Variants in TCTN2 observed in about 807,000 individuals in gnomAD.
TCTN2 encodes tectonic family member 2, also known as tectonic-2.
TCTN2 carries 66 observed loss-of-function variants against 83.4 expected under a neutral mutation model. The ratio of observed to expected loss-of-function variants is 0.79; its 90% CI spans 0.65 to 0.97. The LOEUF (loss-of-function observed/expected upper bound fraction) is 0.97. TCTN2 is among the 50% of genes least tolerant of loss of function. The pLI is 0.00. For missense variants in TCTN2, 794 were observed against 858.1 expected (o/e 0.93, Z 0.93); for synonymous variants, 301 against 326.7 (o/e 0.92, Z 0.85).
At chr12:123,674,934 G>A (rs1028239439) in intron 4 of TCTN2, among the ~76,000 whole-genome samples, 2 of 152,074 alleles carry the variant, frequency 1.3e-5, no homozygotes, top group African/African-American at 4.8e-5. Context: ...CTAGAGTGCA[G>A]GGGCACGATC....
At chr12:123,680,262 G>A (rs1429915839) in intron 5 of TCTN2, among the ~76,000 whole-genome samples, 3 of 149,322 alleles carry the variant, frequency 2.0e-5, no homozygotes, top group African/African-American at 7.4e-5. Context: ...TGAGGCAGGA[G>A]AATCGCTTGA....
At chr12:123,692,553 G>T in intron 8 of TCTN2, 105 bp from the exon 9 acceptor site, 1 of 889,070 alleles carries the variant, frequency 1.1e-6, no homozygotes. Context: ...AGCACCCTGG[G>T]CAGTTGCGGT....
chr12:123,697,255 T>G, intron 13 of TCTN2, 57 bp downstream of exon 13: 2 of 1,232,820 alleles, frequency 1.6e-6, no homozygotes, highest in Non-Finnish European at 2.4e-6. Flanking sequence ...TAGAATTAAT[T>G]CACTACATGA....
intron 11 of TCTN2, 80 bp from the exon 12 acceptor site, chr12:123,696,335 T>C (rs1956107991): frequency 1.7e-6 from 2 of 1,177,392 alleles, no homozygotes; most frequent in Non-Finnish European, 2.6e-6. Context: ...TCCTTGTGCA[T>C]GACTCTTGTA....
chr12:123,671,374 C>T (rs1955748046), intron 1 of TCTN2, 52 bp downstream of exon 1: 6 of 1,602,052 alleles, frequency 3.7e-6, no homozygotes. Flanking sequence ...GGGGACTGGG[C>T]GTTAAAAGGG....
chr12:123,684,628 GAC>G (rs1169837299), intron 5 of TCTN2, among the ~76,000 whole-genome samples: 4 of 152,060 alleles, frequency 2.6e-5, no homozygotes, highest in Non-Finnish European at 5.9e-5. Flanking sequence ...TCGAACTCCT[GAC>G]TGCAAGTGAT....
chr12:123,679,310 G>T (rs1229145850), intron 5 of TCTN2, 21 bp downstream of exon 5: 1 of 1,604,294 alleles, frequency 6.2e-7, no homozygotes, highest in African/African-American at 1.3e-5. Context: ...TGGTTATTGG[G>T]CACAAAAGTT....
intron 4 of TCTN2, 123 bp downstream of exon 4, chr12:123,673,933 G>A: frequency 1.1e-6 from 1 of 891,850 alleles, no homozygotes; most frequent in Non-Finnish European, 1.8e-6. Flanking sequence ...GGAGGTTAAT[G>A]CTACAAATGA....
At chr12:123,701,377 T>C (rs1338116445) in intron 14 of TCTN2, among the ~76,000 whole-genome samples, 2 of 152,184 alleles carry the variant, frequency 1.3e-5, no homozygotes, top group Non-Finnish European at 2.9e-5. Flanking sequence ...TTGCACACTT[T>C]AAGTAGGTGG....
At chr12:123,672,159 T>C (rs774935390) in intron 3 of TCTN2, 27 bp downstream of exon 3, 2 of 1,605,500 alleles carry the variant, frequency 1.2e-6, no homozygotes, top group Non-Finnish European at 1.7e-6. Context: ...ACCTTCTCTG[T>C]AGCCTGTGAA....
At chr12:123,699,327 G>A (rs888315250) in intron 13 of TCTN2, among the ~76,000 whole-genome samples, 9 of 151,638 alleles carry the variant, frequency 5.9e-5, no homozygotes, top group African/African-American at 1.9e-4. Context: ...GCTAATTTTT[G>A]TATTTTTTGT....
Position 123,678,773 on chromosome 12 carries a change from A to G in TCTN2, c.464-416A>G, listed in dbSNP as rs564840960. ...CCTTAATGTCAAATATTTGGTAATA[A>G]TGATTTACAAAACAAGATAATTCAG... is the stretch of plus-strand genomic sequence containing the variant. On this transcript the variant is annotated intron_variant, in intron 4 of 17. Transcript: ENST00000303372. 2.0e-3 allele frequency among the ~76,000 whole-genome samples: 300 copies of G among 151,048 alleles called. 3 individuals carry two copies. Among genetic ancestry groups the G allele is most frequent in the Non-Finnish European group, 4.4e-4 (30 of 67,846 alleles).
chr12:123,688,228 T>TA, intron 7 of TCTN2, 51 bp downstream of exon 7: 1 of 1,578,144 alleles, frequency 6.3e-7, no homozygotes, highest in Non-Finnish European at 8.6e-7. Flanking sequence ...TTTTTTTTTT[T>TA]TTTATGAGAC....
intron 5 of TCTN2, among the ~76,000 whole-genome samples, chr12:123,681,323 A>AATTTAG (rs749798349): frequency 6.6e-6 from 1 of 152,086 alleles, no homozygotes; most frequent in Non-Finnish European, 1.5e-5. Context: ...ACACAGTTGT[A>AATTTAG]CAACCATCAC....
intron 7 of TCTN2, 55 bp downstream of exon 7, chr12:123,688,232 A>G (rs1018572626): frequency 4.6e-6 from 5 of 1,087,998 alleles, no homozygotes; most frequent in East Asian, 2.9e-5. Flanking sequence ...TTTTTTTTTT[A>G]TGAGACGGAG....
intron 14 of TCTN2, among the ~76,000 whole-genome samples, chr12:123,702,305 G>A (rs940941672): frequency 6.6e-6 from 1 of 152,126 alleles, no homozygotes; most frequent in African/African-American, 2.4e-5. Context: ...CAGCCCTCTG[G>A]ATCCTGTCCC....
chr12:123,697,056 G>A (rs538983273), intron 12 of TCTN2, 31 bp from the exon 13 acceptor site: 1 of 1,551,754 alleles, frequency 6.4e-7, no homozygotes, highest in East Asian at 2.2e-5. Context: ...TTAGCAAAAA[G>A]TAGCAAGAGG....
chr12:123,690,238 T>C (rs1593851346), intron 7 of TCTN2, among the ~76,000 whole-genome samples: 2 of 152,340 alleles, frequency 1.3e-5, no homozygotes, highest in East Asian at 3.9e-4. Flanking sequence ...GGAGAGAACA[T>C]GAAGTTAAAT....
chr12:123,677,166 GTGAGACCC>G (rs1422751559), intron 4 of TCTN2, among the ~76,000 whole-genome samples: 1 of 152,134 alleles, frequency 6.6e-6, no homozygotes, highest in African/African-American at 2.4e-5. Flanking sequence ...GGGCAGCAGA[GTGAGACCC>G]TGTCTCAAAA....
Sources: allele counts gnomAD v4.1 joint callset (sites outside exome capture counted in the v4.1 genomes callset), GRCh38; gene constraint gnomAD v4.1.1; transcripts MANE v1.5; gene names NCBI Gene and HGNC (gene_info 2026-07-23, HGNC 2026-07-21).